The following CMPK1 variants were observed in gnomAD, a reference collection of about 807,000 sequenced individuals.
CMPK1 encodes cytidine/uridine monophosphate kinase 1.
A neutral mutation model predicts 25.7 loss-of-function variants in CMPK1; 10 were observed. That is an observed-to-expected ratio of 0.39 (90% CI 0.24 to 0.66). CMPK1 has a LOEUF of 0.66. Ranked by LOEUF, CMPK1 falls within the 30% of genes least tolerant of loss-of-function variation. The pLI is 0.48. For missense variants in CMPK1, 199 were observed against 280.5 expected (o/e 0.71, Z 2.08); for synonymous variants, 106 against 101.5 (o/e 1.04, Z -0.27).
chr1:47,362,304 G>A (rs1217544623), intron 1 of CMPK1, among the ~76,000 whole-genome samples: 1 of 151,180 alleles, frequency 6.6e-6, no homozygotes, highest in African/African-American at 2.4e-5. Flanking sequence ...CCAGTAGCTG[G>A]GATTACAGGC....
intron 1 of CMPK1, among the ~76,000 whole-genome samples, chr1:47,361,047 T>TAC (rs1646598026): frequency 6.6e-6 from 1 of 151,348 alleles, no homozygotes; most frequent in Non-Finnish European, 1.5e-5. Flanking sequence ...TGGGTAAACA[T>TAC]ATGTAACATA....
At chr1:47,376,614 C>A in intron 5 of CMPK1, 90 bp from the exon 6 acceptor site, 1 of 832,956 alleles carries the variant, frequency 1.2e-6, no homozygotes, top group Non-Finnish European at 1.9e-6. Context: ...CCGCGCCCCG[C>A]CAAATTTGAT....
chr1:47,364,855 T>G (rs1335698065), intron 1 of CMPK1, among the ~76,000 whole-genome samples: 1 of 151,960 alleles, frequency 6.6e-6, no homozygotes, highest in Admixed American at 6.6e-5. Context: ...CACTACATCC[T>G]GGGCTCAAGT....
chr1:47,375,584 C>T (rs1041162309), intron 5 of CMPK1, among the ~76,000 whole-genome samples: 1 of 152,032 alleles, frequency 6.6e-6, no homozygotes, highest in African/African-American at 2.4e-5. Flanking sequence ...TTTATAACTT[C>T]AAACTTGTTC....
Position 47,333,869 on chromosome 1 carries a change from TCCCGCCGCCTC to T in CMPK1, c.-70_-60del. ...GGCGCCGGCTCAGCCCGCCCCTTTCTCCCGCCGCCTCCCCGCCCCGCCCCGCGCCGCGCCGG... is the reference window on the plus strand; with the variant it reads ...GGCGCCGGCTCAGCCCGCCCCTTTCTCCCGCCCCGCCCCGCGCCGCGCCGG... On this transcript the variant is annotated 5_prime_UTR_variant, in exon 1 of 6. Coordinates refer to ENST00000371873, the MANE Select transcript of CMPK1 (RefSeq NM_016308.3). 9.6e-7 allele frequency: 1 copy of T among 1,046,582 alleles called. No homozygotes were observed. The highest frequency in any genetic ancestry group is 1.2e-6 in the Non-Finnish European group (1 of 853,646). 64.8% of individuals were successfully genotyped at this position (1,046,582 alleles called of 1,614,324 possible). A position where few individuals can be genotyped will look rare whatever the true frequency, so the allele number is the denominator to read the frequency against.
chr1:47,365,144 A>G (rs540802546), intron 1 of CMPK1, among the ~76,000 whole-genome samples: 1 of 152,314 alleles, frequency 6.6e-6, no homozygotes, highest in South Asian at 2.1e-4. Context: ...CTATAATGCA[A>G]GAGAAGCTCA....
At chr1:47,334,430 G>C (rs1241128057) in intron 1 of CMPK1, among the ~76,000 whole-genome samples, 1 of 152,226 alleles carries the variant, frequency 6.6e-6, no homozygotes, top group Non-Finnish European at 1.5e-5. Context: ...GCCAACCTTT[G>C]GGGGTCCCCC....
chr1:47,368,600 C>T lies in CMPK1; in HGVS notation c.303C>T (p.Ile101=), dbSNP rs758940039. 1 of 1,607,120 alleles carries T rather than the reference C, an allele frequency of 6.2e-7. No individual in the cohort carries two copies. ...AGATTGTACCAGTTGAGATAACCAT[C>T]AGTTTATTAAAGAGGGTAAGGAGTG... ...EGKIVPVEIT[I]SLLKREMDQT... is the part of the protein sequence containing the mutation. Residue 101 remains isoleucine (I), a synonymous_variant, in exon 2 of 6, where the codon ATC becomes ATT. Coordinates refer to ENST00000371873, the MANE Select transcript of CMPK1 (RefSeq NM_016308.3).
At chr1:47,350,876 C>G (rs1344532915) in intron 1 of CMPK1, among the ~76,000 whole-genome samples, 9 of 151,674 alleles carry the variant, frequency 5.9e-5, no homozygotes, top group African/African-American at 2.2e-4. Flanking sequence ...CCACTGCACT[C>G]CAGCCTGGGC....
chr1:47,334,180 C>G, intron 1 of CMPK1, 64 bp downstream of exon 1: 1 of 1,247,314 alleles, frequency 8.0e-7, no homozygotes, highest in East Asian at 3.3e-5. Context: ...CCTGTCCCGC[C>G]GCCCCTAGTC....
At chr1:47,334,238 A>C in intron 1 of CMPK1, 122 bp downstream of exon 1, 5 of 961,502 alleles carry the variant, frequency 5.2e-6, no homozygotes, top group Non-Finnish European at 6.6e-6. Flanking sequence ...CCCGGCGGCC[A>C]CCGCGCCGCC....
intron 1 of CMPK1, among the ~76,000 whole-genome samples, chr1:47,334,761 C>G (rs1646384110): frequency 1.3e-5 from 2 of 152,170 alleles, no homozygotes; most frequent in African/African-American, 4.8e-5. Context: ...GCCGGGAGTG[C>G]TGTTCTGAGA....
chr1:47,374,850 A>C, intron 3 of CMPK1, 59 bp from the exon 4 acceptor site: 1 of 1,280,208 alleles, frequency 7.8e-7, no homozygotes, highest in Non-Finnish European at 1.1e-6. Context: ...TTTTCTTTGC[A>C]GGTTAAAAGA....
intron 1 of CMPK1, among the ~76,000 whole-genome samples, chr1:47,362,543 C>T (rs1253449324): frequency 2.1e-5 from 3 of 140,546 alleles, no homozygotes; most frequent in African/African-American, 2.7e-5. Flanking sequence ...ACCTCCGCCT[C>T]CCGGGTTCAA....
intron 1 of CMPK1, among the ~76,000 whole-genome samples, chr1:47,359,771 C>CA (rs1646589349): frequency 6.6e-6 from 1 of 152,070 alleles, no homozygotes; most frequent in Non-Finnish European, 1.5e-5. Context: ...CTCAGCCTCC[C>CA]AAAGGGCTGA....
chr1:47,349,258 A>G (rs1254512462), intron 1 of CMPK1, among the ~76,000 whole-genome samples: 1 of 152,188 alleles, frequency 6.6e-6, no homozygotes, highest in Non-Finnish European at 1.5e-5. Flanking sequence ...GCATCTCCAT[A>G]TGGGTCACCT....
chr1:47,374,024 C>T (rs886393280), intron 3 of CMPK1, among the ~76,000 whole-genome samples: 2 of 152,048 alleles, frequency 1.3e-5, no homozygotes, highest in Non-Finnish European at 2.9e-5. Flanking sequence ...TGTAAATGTG[C>T]CCCTGGTGGA....
chr1:47,349,310 T>C (rs1391618370), intron 1 of CMPK1, among the ~76,000 whole-genome samples: 2 of 152,266 alleles, frequency 1.3e-5, no homozygotes, highest in South Asian at 2.1e-4. Context: ...ATAGAGTTAT[T>C]GAGAGTGAGG....
In CMPK1 at chr1:47,374,820, G is replaced by A; in HGVS notation, c.472-89G>A. 3.3e-6 allele frequency: 3 copies of A among 907,232 alleles called. No individual in the cohort carries two copies. The South Asian group carries it at 5.0e-5, about 15-fold the overall frequency. The allele number at this position is 907,232 out of a possible 1,614,324, so 56.2% of individuals were successfully genotyped here. ...TTGGGTTTATTGCAGGGTTTTTTTG[G>A]TCATCTCTTTAAACTCTTGTTTTCT... is the stretch of plus-strand genomic sequence containing the variant. On this transcript the variant is annotated intron_variant, in intron 3 of 5. Transcript: ENST00000371873.
Sources: allele counts gnomAD v4.1 joint callset (sites outside exome capture counted in the v4.1 genomes callset), GRCh38; gene constraint gnomAD v4.1.1; transcripts MANE v1.5; gene names NCBI Gene and HGNC (gene_info 2026-07-23, HGNC 2026-07-21).